The following AGRN variants were observed in gnomAD, a reference collection of about 807,000 sequenced individuals.
The protein encoded by AGRN is agrin.
A neutral mutation model predicts 211.0 loss-of-function variants in AGRN; 106 were observed. That is an observed-to-expected ratio of 0.50 (90% CI 0.43 to 0.59). The LOEUF is 0.59. Among genes scored for constraint, AGRN ranks in the 20% least tolerant of loss-of-function variants. The probability of loss-of-function intolerance (pLI) is 0.00; values close to 1 mark genes in which losing one functional copy is unlikely to be tolerated. For synonymous variants in AGRN, 1,525 were observed against 1,332.5 expected (o/e 1.14, Z -3.15); for missense variants, 3,040 against 2,982.6 (o/e 1.02, Z -0.45).
Position 1,043,922 on chromosome 1 carries a change from G to A in AGRN, c.1898G>A (p.Gly633Asp). 1 of 1,609,776 alleles carries A rather than the reference G, an allele frequency of 6.2e-7. No homozygotes were observed. The highest frequency in any genetic ancestry group is 8.5e-7 in the Non-Finnish European group (1 of 1,179,640). Residue 633 changes from glycine to aspartate, a missense_variant, in exon 10 of 36, where the codon GGC (glycine) becomes GAC (aspartate). Around this residue, in one of 3 missense-constraint regions of AGRN, gnomAD observed 1,498 missense variants for 1,457.8 expected, o/e 1.03. Transcript: ENST00000379370. The part of the protein sequence containing the change: ...CEHPPPGPVC[G>D]SDGVTYGSAC... ...CACCCCCCGCCCGGCCCCGTGTGTG[G>A]CAGCGACGGTGTCACCTACGGCAGT...
At position 1,032,046 on chromosome 1, in the gene AGRN, C is replaced by G. The variant is rs1210725688; in HGVS notation, c.464-3231C>G. ...GCACCCACAGTCAGCACCGCCGGAA[C>G]ACTGTCAGCCTGGTGTGGACAGTGC... is the stretch of plus-strand genomic sequence containing the variant. On this transcript the variant is annotated intron_variant, in intron 2 of 35. Transcript: ENST00000379370. This position sits in a 1 kb window ranked among gnomAD's most constrained non-coding sequence, Gnocchi z 4.7. Among the ~76,000 whole-genome samples the G allele has an allele frequency of 6.6e-6, 1 of 152,244 alleles. No homozygotes were observed. Among genetic ancestry groups the G allele is most frequent in the East Asian group, 1.9e-4 (1 of 5,202 alleles).
Position 1,041,552 on chromosome 1 carries a change from C to T in AGRN, c.1027C>T (p.Leu343Phe), listed in dbSNP as rs1423453030. The change falls in exon 6 of 36, where the codon CTC (leucine) becomes TTC (phenylalanine). Residue 343 changes from leucine to phenylalanine, a missense_variant. Leu to Phe is a conservative substitution (Grantham distance 22). This residue lies in a region of AGRN where 1,498 missense variants were observed against 1,457.8 expected (regional missense o/e 1.03). Transcript: ENST00000379370. Reference protein sequence around the residue: ...VNPRTRRPEMLLRPESCPARQ... With the variant: ...VNPRTRRPEMFLRPESCPARQ... The stretch of plus-strand genomic sequence containing the variant: ...CCCGCGCACGCGGCGCCCTGAGATG[C>T]TCCTACGGCCCGAGAGCTGCCCTGC... 5.0e-6 allele frequency: 8 copies of T among 1,608,266 alleles called. No homozygotes were observed. The highest frequency in any genetic ancestry group is 4.4e-5 in the South Asian group (4 of 90,980).
Position 1,049,547 on chromosome 1 carries a change from G to C in AGRN, c.4515-19G>C. On this transcript the variant is annotated intron_variant, in intron 25 of 35. Transcript: ENST00000379370. ...CCTGTGGCCCCTGAGCCCTGACCCG[G>C]TGTCCCTCCTGGTGGCAGGGCGCTG... 6.3e-7 allele frequency: 1 copy of C among 1,590,144 alleles called. No individual in the cohort carries two copies. Among genetic ancestry groups the C allele is most frequent in the South Asian group, 1.1e-5 (1 of 88,432 alleles).
chr1:1,050,905 C>T lies in AGRN; in HGVS notation c.5253+68C>T, dbSNP rs112497350. Reference sequence around the variant, plus strand: ...TCTTCCTCCTCGGGCGGCAGCCCCGCCCCTGCCGGCGCTCACGGAGCTGTT... The same window carrying T: ...TCTTCCTCCTCGGGCGGCAGCCCCGTCCCTGCCGGCGCTCACGGAGCTGTT... On this transcript the variant is annotated intron_variant, in intron 30 of 35. Coordinates refer to ENST00000379370, the MANE Select transcript of AGRN (RefSeq NM_198576.4). 0.01 allele frequency: 15,506 copies of T among 1,526,970 alleles called. 1,082 individuals are homozygous for T. In the African/African-American group the frequency reaches 0.17, roughly 17 times the overall value. 94.6% of individuals were successfully genotyped at this position (1,526,970 alleles called of 1,614,324 possible). A position where few individuals can be genotyped will look rare whatever the true frequency, so the allele number is the denominator to read the frequency against.
chr1:1,046,610 C>T lies in AGRN; in HGVS notation c.3125C>T (p.Pro1042Leu). 6.2e-7 allele frequency: 1 copy of T among 1,604,174 alleles called. No individual in the cohort carries two copies. The highest frequency in any genetic ancestry group is 1.1e-5 in the South Asian group (1 of 90,930). ...ACCGTGTGGCCCGTGCTGACGGTGC[C>T]CCCCACGGCACCCTCCCCTGCACCC... is the stretch of plus-strand genomic sequence containing the variant. ...RTTVWPVLTVPPTAPSPAPSL... is the reference protein window; with the variant it reads ...RTTVWPVLTVLPTAPSPAPSL... The change falls in exon 18 of 36, where the codon CCC (proline) becomes CTC (leucine). Residue 1042 changes from proline to leucine, a missense_variant. Physicochemically the swap from Pro to Leu is moderately conservative, Grantham distance 98. Coordinates refer to ENST00000379370, the MANE Select transcript of AGRN (RefSeq NM_198576.4).
chr1:1,020,484 T>G (rs1381732206), intron 1 of AGRN, 111 bp downstream of exon 1: 1 of 1,103,394 alleles, frequency 9.1e-7, no homozygotes, highest in Non-Finnish European at 1.2e-6. Flanking sequence ...CCGCTCCGGC[T>G]CCCTTGGCGA....
At position 1,049,304 on chromosome 1, in the gene AGRN, G is replaced by A. The variant is rs372604628; in HGVS notation, c.4367G>A (p.Arg1456His). The A allele has an allele frequency of 2.1e-5, 33 of 1,597,168 alleles. No individual in the cohort carries two copies. The highest frequency in any genetic ancestry group is 1.6e-4 in the Middle Eastern group (1 of 6,078). The change falls in exon 25 of 36, where the codon CGC (arginine) becomes CAC (histidine). Residue 1456 changes from arginine to histidine, a missense_variant. Arg to His is a conservative substitution (Grantham distance 29). This residue lies in a region of AGRN where 1,537 missense variants were observed against 1,505.0 expected (regional missense o/e 1.02). Coordinates refer to ENST00000379370, the MANE Select transcript of AGRN (RefSeq NM_198576.4). ...CCGGTAGAGCCGGGCCAGTGGCACC[G>A]CCTGGAGCTGTCCCGGCACTGGCGC... The part of the protein sequence containing the change: ...AVPVEPGQWH[R>H]LELSRHWRRG...
At position 1,046,277 on chromosome 1, in the gene AGRN, C is replaced by G. The variant is rs182336374; in HGVS notation, c.2911+12C>G. The G allele has an allele frequency of 6.2e-7, 1 of 1,613,160 alleles. No homozygotes were observed. The highest frequency in any genetic ancestry group is 1.7e-5 in the Admixed American group (1 of 60,020). On this transcript the variant is annotated intron_variant, in intron 17 of 35. Transcript: ENST00000379370. ...GGGCCCGTGCCAGGGTGAGGCCTGA[C>G]GGCCACTGCCCCAGAACTGACCAGG... is the stretch of plus-strand genomic sequence containing the variant.
In AGRN at chr1:1,049,663, G is replaced by T. The variant is rs775550619; in HGVS notation, c.4612G>T (p.Ala1538Ser). Residue 1538 changes from alanine (A) to serine (S), a missense_variant, in exon 26 of 36, where the codon GCT becomes TCT. Physicochemically the swap from Ala to Ser is moderately conservative, Grantham distance 99 (BLOSUM62 1). Coordinates refer to ENST00000379370, the MANE Select transcript of AGRN (RefSeq NM_198576.4). ...CCTGGAGCTTGGCATTGGGCCGGGG[G>T]CTGCCACCCGAGGCTCTGGCGTGGG... The part of the protein sequence containing the change: ...QRLELGIGPG[A>S]ATRGSGVGEC... The T allele has an allele frequency of 1.9e-6, 3 of 1,578,676 alleles. No homozygotes were observed. In the African/African-American group the frequency reaches 4.0e-5, roughly 21 times the overall value.
chr1:1,045,245 C>T lies in AGRN; in HGVS notation c.2339C>T (p.Ala780Val). Residue 780 changes from alanine (A) to valine (V), a missense_variant, in exon 13 of 36, where the codon GCA becomes GTA. Physicochemically the swap from Ala to Val is moderately conservative, Grantham distance 64. Around this residue, in one of 3 missense-constraint regions of AGRN, gnomAD observed 1,498 missense variants for 1,457.8 expected, o/e 1.03. Transcript: ENST00000379370. Reference protein sequence around the residue: ...PYGCCQDNITAARGVGLAGCP... With the variant: ...PYGCCQDNITVARGVGLAGCP... Reference sequence around the variant, plus strand: ...GGCTGCTGCCAGGACAATATCACCGCAGCCCGGGGCGTGGGCCTGGCTGGC... The same window carrying T: ...GGCTGCTGCCAGGACAATATCACCGTAGCCCGGGGCGTGGGCCTGGCTGGC... The T allele has an allele frequency of 6.2e-7, 1 of 1,611,868 alleles. No homozygotes were observed. Among genetic ancestry groups the T allele is most frequent in the Non-Finnish European group, 8.5e-7 (1 of 1,179,546 alleles).
At chr1:1,042,861 G>A (rs555678248) in intron 7 of AGRN, among the ~76,000 whole-genome samples, 52 of 152,164 alleles carry the variant, frequency 3.4e-4, no homozygotes, top group African/African-American at 1.2e-3. Flanking sequence ...GACTCTGGGG[G>A]TGCAGGCTCC....
chr1:1,050,858 G>A (rs1244238433), intron 30 of AGRN, 21 bp downstream of exon 30: 1 of 1,537,484 alleles, frequency 6.5e-7, no homozygotes. Flanking sequence ...TGGGCCGCGA[G>A]GGGACTCCCG....
chr1:1,039,140 T>C (rs1644868218), intron 3 of AGRN, among the ~76,000 whole-genome samples: 1 of 151,830 alleles, frequency 6.6e-6, no homozygotes. Flanking sequence ...ATTCTCACAG[T>C]GGGTAATGCA....
rs778887428 is a variant in AGRN at position 1,042,178 on chromosome 1, T to G, written c.1384+16T>G. On this transcript the variant is annotated intron_variant, in intron 7 of 35. Transcript: ENST00000379370. ...GGCCCGTGTGGTGAGCGCCCCGGGG[T>G]GGAGGCCAGGCGGGGTGGGCTGCTC... is the stretch of plus-strand genomic sequence containing the variant. 1.4e-5 allele frequency: 22 copies of G among 1,585,344 alleles called. No homozygotes were observed. Among genetic ancestry groups the G allele is most frequent in the Non-Finnish European group, 1.9e-5 (22 of 1,169,584 alleles).
intron 33 of AGRN, 55 bp from the exon 34 acceptor site, chr1:1,053,698 C>G (rs964302666): frequency 2.5e-5 from 39 of 1,539,410 alleles, no homozygotes; most frequent in Non-Finnish European, 1.4e-5. Context: ...CCGCCTCCCC[C>G]ACCCTGTCCT....
chr1:1,053,148 C>T, intron 33 of AGRN: 1 of 289,824 alleles, frequency 3.5e-6, no homozygotes, highest in African/African-American at 2.2e-5. Context: ...CCTCCTTGAT[C>T]TCTGCGCCCA....
At chr1:1,044,497 G>A (rs544772712) in intron 12 of AGRN, 58 bp downstream of exon 12, 5 of 1,525,744 alleles carry the variant, frequency 3.3e-6, no homozygotes, top group East Asian at 2.4e-5. Flanking sequence ...GGGTTTCCGT[G>A]TCTGGATGTG....
In AGRN at chr1:1,050,456, T is replaced by C. The variant is rs1419488660; in HGVS notation, c.5006T>C (p.Leu1669Pro). 19 of 1,612,798 alleles carry C rather than the reference T, an allele frequency of 1.2e-5. No homozygotes were observed. The highest frequency in any genetic ancestry group is 1.5e-5 in the Non-Finnish European group (18 of 1,179,900). The change falls in exon 29 of 36, where the codon CTG becomes CCG. Residue 1669 changes from leucine (L) to proline (P), a missense_variant. By Grantham distance (98) the Leu-to-Pro change is moderately conservative. Transcript: ENST00000379370. ...AAGATGGCGCTGGAGGTCGTGTTCC[T>C]GGCACGAGGCCCCAGCGGCCTCCTG... ...GEKMALEVVF[L>P]ARGPSGLLLY...
At chr1:1,045,122 G>A in intron 12 of AGRN, 39 bp from the exon 13 acceptor site, 1 of 1,599,390 alleles carries the variant, frequency 6.3e-7, no homozygotes. Flanking sequence ...TGGGTGTCCA[G>A]CACTGCATGA....
Sources: gnomAD v4.1 joint callset for allele counts (sites outside exome capture counted in the v4.1 genomes callset) on GRCh38, gnomAD v4.1.1 for gene constraint, gnomAD v4.1.1 regional missense constraint, Gnocchi (gnomAD v3.1) non-coding constraint, MANE v1.5 for transcripts, NCBI Gene and HGNC (gene_info 2026-07-23, HGNC 2026-07-21) for gene names.